Variants in SLA2 observed in about 807,000 individuals in gnomAD.
The protein encoded by SLA2 is Src like adaptor 2, also known as src-like-adapter 2.
A neutral mutation model predicts 27.3 loss-of-function variants in SLA2; 22 were observed. The observed-to-expected ratio is 0.81, with a 90% CI of 0.58 to 1.15. The LOEUF (loss-of-function observed/expected upper bound fraction) is 1.15, where lower values mean the gene tolerates loss of function less well. SLA2 is among the 50% of genes most tolerant of loss of function. SLA2 has a pLI of 0.00. For synonymous variants in SLA2, 131 were observed against 137.8 expected (o/e 0.95, Z 0.34); for missense variants, 304 against 322.2 (o/e 0.94, Z 0.43).
intron 1 of SLA2, among the ~76,000 whole-genome samples, chr20:36,642,548 C>T (rs1352621178): frequency 1.3e-5 from 2 of 151,624 alleles, no homozygotes; most frequent in Non-Finnish European, 2.9e-5. Flanking sequence ...GGATTACAGA[C>T]ATTAGCCACC....
At chr20:36,642,042 T>C (rs1483531981) in intron 1 of SLA2, among the ~76,000 whole-genome samples, 1 of 145,624 alleles carries the variant, frequency 6.9e-6, no homozygotes, top group Non-Finnish European at 1.5e-5. Flanking sequence ...TGTGTACCTG[T>C]AGTCCCAGCT....
chr20:36,618,813 A>C (rs1218621794), intron 5 of SLA2, among the ~76,000 whole-genome samples: 1 of 146,236 alleles, frequency 6.8e-6, no homozygotes, highest in Non-Finnish European at 1.5e-5. Context: ...AGGCTGAGGC[A>C]GGAGAATTGC....
chr20:36,621,966 T>C (rs2039287604), intron 5 of SLA2, among the ~76,000 whole-genome samples: 1 of 149,190 alleles, frequency 6.7e-6, no homozygotes, highest in African/African-American at 2.5e-5. Context: ...CAGTGAGCCA[T>C]GACTGTGCCA....
intron 1 of SLA2, among the ~76,000 whole-genome samples, chr20:36,642,207 G>T (rs1291881836): frequency 2.8e-4 from 3 of 10,672 alleles, no homozygotes; most frequent in Admixed American, 2.7e-3. Flanking sequence ...AGGACCGTGG[G>T]TTGTATGATG....
At chr20:36,635,452 A>AAGCAGACG (rs2039434894) in intron 2 of SLA2, among the ~76,000 whole-genome samples, 1 of 149,596 alleles carries the variant, frequency 6.7e-6, no homozygotes, top group South Asian at 2.1e-4. Flanking sequence ...GGGGCAGGGG[A>AAGCAGACG]AGCAGACGAG....
At chr20:36,636,670 G>A (rs2039453366) in intron 2 of SLA2, among the ~76,000 whole-genome samples, 2 of 146,702 alleles carry the variant, frequency 1.4e-5, no homozygotes, top group African/African-American at 5.0e-5. Context: ...AAGACTGAGT[G>A]GCCGCAGTGG....
Position 36,641,355 on chromosome 20 carries a change from CAG to C in SLA2, c.-22_-21del. The stretch of plus-strand genomic sequence containing the variant: ...TCCCATTGTTCCTCAGCAGAGCACT[CAG>C]AAGCACATCATCGAGGGAAATCTGA... On this transcript the variant is annotated 5_prime_UTR_variant, in exon 2 of 8. It removes the in-frame stop codon of an upstream open reading frame in the 5' UTR. Coordinates refer to ENST00000262866, the MANE Select transcript of SLA2 (RefSeq NM_032214.4). 2 of 1,604,200 alleles carry C rather than the reference CAG, an allele frequency of 1.2e-6. No individual in the cohort carries two copies. The highest frequency in any genetic ancestry group is 1.7e-6 in the Non-Finnish European group (2 of 1,171,222).
At chr20:36,621,405 T>C (rs1302165672) in intron 5 of SLA2, 30 of 563,686 alleles carry the variant, frequency 5.3e-5, no homozygotes, top group South Asian at 1.9e-4. Context: ...GTGGTAGATA[T>C]AGTAGCAGAA....
intron 6 of SLA2, chr20:36,614,814 T>G (rs2039188560): frequency 1.0e-6 from 1 of 985,452 alleles, no homozygotes. Context: ...CTTCCCTCTC[T>G]GCCCCCTGAC....
Position 36,615,218 on chromosome 20 carries a change from G to C in SLA2, c.532+7C>G. The C allele has an allele frequency of 1.2e-6, 2 of 1,614,094 alleles. No homozygotes were observed. The highest frequency in any genetic ancestry group is 1.7e-6 in the Non-Finnish European group (2 of 1,180,014). On this transcript the variant is annotated splice_region_variant and intron_variant, in intron 6 of 7. Transcript: ENST00000262866. ...AGCCTAGTCCTGGAGGCAGGGAAAGGCCATACCAGAGTAATGGTCCACCAG... is the reference window on the plus strand; with the variant it reads ...AGCCTAGTCCTGGAGGCAGGGAAAGCCCATACCAGAGTAATGGTCCACCAG...
intron 2 of SLA2, among the ~76,000 whole-genome samples, chr20:36,637,037 A>T (rs867866601): frequency 2.0e-5 from 3 of 151,730 alleles, no homozygotes; most frequent in Non-Finnish European, 1.5e-5. Flanking sequence ...GAATTCACTC[A>T]CAATTCTCAA....
chr20:36,638,611 G>A (rs1366251935), intron 2 of SLA2, among the ~76,000 whole-genome samples: 1 of 152,166 alleles, frequency 6.6e-6, no homozygotes, highest in Non-Finnish European at 1.5e-5. Context: ...TTACAGGCAT[G>A]AGCCACCGCC....
At chr20:36,642,198 G>A (rs1369710927) in intron 1 of SLA2, among the ~76,000 whole-genome samples, 6 of 6,990 alleles carry the variant, frequency 8.6e-4, no homozygotes, top group Non-Finnish European at 1.5e-3. Context: ...AAAAAAAAAA[G>A]GACCGTGGGT....
intron 5 of SLA2, among the ~76,000 whole-genome samples, chr20:36,622,639 G>C (rs1568603393): frequency 6.6e-6 from 1 of 152,088 alleles, no homozygotes; most frequent in African/African-American, 2.4e-5. Flanking sequence ...GCAGACTCTA[G>C]AGAAGAAATC....
rs137971653 is a variant in SLA2, at chr20:36,625,952, C to G, written c.382+6643G>C. On this transcript the variant is annotated intron_variant, in intron 5 of 7. Transcript: ENST00000262866. ...CTAGCCTGGGCAACATGGCCAAACC[C>G]TGTTTCTACTCAAAATACAAAAATT... is the stretch of plus-strand genomic sequence containing the variant. 4.5e-3 allele frequency among the ~76,000 whole-genome samples: 691 copies of G among 152,098 alleles called. 9 individuals are homozygous for G. The highest frequency in any genetic ancestry group is 0.016 in the African/African-American group (657 of 41,494).
intron 5 of SLA2, chr20:36,621,244 G>A (rs2039279178): frequency 7.3e-6 from 4 of 551,410 alleles, no homozygotes; most frequent in Non-Finnish European, 1.1e-5. Flanking sequence ...AAATTTTGGC[G>A]CTGGTAACTA....
chr20:36,614,490 C>A, intron 6 of SLA2, 53 bp from the exon 7 acceptor site: 1 of 1,545,854 alleles, frequency 6.5e-7, no homozygotes, highest in Non-Finnish European at 8.7e-7. Flanking sequence ...TACTTCTCCC[C>A]AACAGCCCTC....
chr20:36,640,505 C>CTT (rs1162794643), intron 2 of SLA2, among the ~76,000 whole-genome samples: 7 of 133,272 alleles, frequency 5.3e-5, no homozygotes, highest in Non-Finnish European at 8.1e-5. Flanking sequence ...GATGAAAGAC[C>CTT]TTTTTTTTTT....
intron 2 of SLA2, among the ~76,000 whole-genome samples, chr20:36,635,202 TG>T (rs148203438): frequency 0.029 from 4,351 of 151,802 alleles, 202 homozygotes; most frequent in African/African-American, 0.099. Flanking sequence ...CGCCGAGCCT[TG>T]TAGCCTGAAA....
Sources: allele counts gnomAD v4.1 joint callset (sites outside exome capture counted in the v4.1 genomes callset), GRCh38; gene constraint gnomAD v4.1.1; transcripts MANE v1.5; gene names NCBI Gene and HGNC (gene_info 2026-07-23, HGNC 2026-07-21).